Variants in ZBTB1 observed in about 807,000 individuals in gnomAD.
The protein encoded by ZBTB1 is zinc finger and BTB domain containing 1.
Under a neutral mutation model 51.6 loss-of-function variants are expected in ZBTB1, and 13 were observed. That is an observed-to-expected ratio of 0.25 (90% CI 0.16 to 0.40). The LOEUF (loss-of-function observed/expected upper bound fraction) is 0.40, where lower values mean the gene tolerates loss of function less well. Among genes scored for constraint, ZBTB1 ranks in the 10% least tolerant of loss-of-function variants. The pLI is 1.00. For missense variants in ZBTB1, 567 were observed against 856.5 expected, an observed-to-expected ratio of 0.66 and a Z score of 4.22; for synonymous variants, 240 against 282.2, an observed-to-expected ratio of 0.85 and a Z score of 1.50.
At chr14:64,517,328 T>G (rs1406015813) in intron 1 of ZBTB1, among the ~76,000 whole-genome samples, 1 of 152,206 alleles carries the variant, frequency 6.6e-6, no homozygotes, top group Non-Finnish European at 1.5e-5. Flanking sequence ...AAGCCAGGTC[T>G]GTCTGATCCT....
At chr14:64,505,025 G>C (rs761546) in intron 1 of ZBTB1, 79 bp downstream of exon 1, 183,220 of 384,068 alleles carry the variant, frequency 0.48, 45,226 homozygotes, top group East Asian at 0.65. Flanking sequence ...GCCTGGCGGA[G>C]TGCGGGGCCG....
chr14:64,504,604 C>G (rs557487578), upstream of ZBTB1: 292 of 276,494 alleles, frequency 1.1e-3, no homozygotes, highest in Middle Eastern at 9.3e-3. Flanking sequence ...AACAGGCGAC[C>G]GCGGGTGCCC....
chr14:64,523,971 T>A lies in ZBTB1; in HGVS notation c.*325T>A. 1 of 1,025,052 alleles carries A rather than the reference T, an allele frequency of 9.8e-7. No homozygotes were observed. 63.5% of individuals were successfully genotyped at this position (1,025,052 alleles called of 1,614,324 possible). A position where few individuals can be genotyped will look rare whatever the true frequency, so the allele number is the denominator to read the frequency against. ...TTCATCAATAAGGTGATGACTTCAC[T>A]ATTTCTATGTGTTTTTTTTTTTTTA... On this transcript the variant is annotated 3_prime_UTR_variant, in exon 2 of 2. Transcript: ENST00000683701. This position sits in a 1 kb window ranked among gnomAD's most constrained non-coding sequence, Gnocchi z 4.5.
rs74393137 is a variant in ZBTB1, at chr14:64,533,464, G to A, written c.*1567G>A. 24 of 152,548 alleles carry A rather than the reference G, an allele frequency of 1.6e-4. No homozygotes were observed. In the East Asian group the frequency reaches 4.6e-3, roughly 29 times the overall value. 9.4% of individuals were successfully genotyped at this position (152,548 alleles called of 1,614,324 possible). A position where few individuals can be genotyped will look rare whatever the true frequency, so the allele number is the denominator to read the frequency against. On this transcript the variant is annotated 3_prime_UTR_variant, in exon 3 of 3. Coordinates refer to the ZBTB1 transcript ENST00000358738. Reference sequence around the variant, plus strand: ...TCAACAAATAATTTTTGATTGACTGGTGGAATTAGATTTACTAAATAAAAA... The same window carrying A: ...TCAACAAATAATTTTTGATTGACTGATGGAATTAGATTTACTAAATAAAAA...
downstream of ZBTB1, among the ~76,000 whole-genome samples, chr14:64,529,435 A>G (rs1010794851): frequency 3.9e-5 from 6 of 152,306 alleles, no homozygotes; most frequent in Non-Finnish European, 7.4e-5. Flanking sequence ...TAACAGAATA[A>G]CCAGTTTCCT....
chr14:64,524,285 T>C lies in ZBTB1; in HGVS notation c.*639T>C. The C allele has an allele frequency of 1.1e-6, 1 of 951,008 alleles. No homozygotes were observed. The highest frequency in any genetic ancestry group is 1.3e-6 in the Non-Finnish European group (1 of 798,902). 58.9% of individuals were successfully genotyped at this position (951,008 alleles called of 1,614,324 possible). A position where few individuals can be genotyped will look rare whatever the true frequency, so the allele number is the denominator to read the frequency against. ...AATATTTCCTATAATTGATAAAATA[T>C]TATCATTTAATTATCACATTTAAAA... On this transcript the variant is annotated 3_prime_UTR_variant, in exon 2 of 2. Coordinates refer to ENST00000683701, the MANE Select transcript of ZBTB1 (RefSeq NM_001123329.2).
downstream of ZBTB1, among the ~76,000 whole-genome samples, chr14:64,525,477 C>T (rs945096216): frequency 2.0e-5 from 3 of 152,128 alleles, no homozygotes; most frequent in African/African-American, 7.2e-5. Flanking sequence ...AACCCAGAGA[C>T]CATCAGAGAG....
chr14:64,522,642 A>G lies in ZBTB1; in HGVS notation c.1138A>G (p.Ile380Val), dbSNP rs904934220. The G allele has an allele frequency of 3.7e-6, 6 of 1,614,086 alleles. No homozygotes were observed. The highest frequency in any genetic ancestry group is 1.3e-5 in the African/African-American group (1 of 74,938). ...YRYYVEEDVS[I>V]KKSGRKTLKP... is the part of the protein sequence containing the mutation. ...ATACTATGTTGAAGAAGATGTCAGC[A>G]TAAAAAAAAGTGGTAGGAAAACTCT... Residue 380 changes from isoleucine (I) to valine (V), a missense_variant, in exon 2 of 2, where the codon ATA (isoleucine) becomes GTA (valine). Transcript: ENST00000683701.
intron 1 of ZBTB1, among the ~76,000 whole-genome samples, chr14:64,508,729 AAATTTT>A (rs201815597): frequency 0.011 from 1,724 of 152,318 alleles, 31 homozygotes; most frequent in African/African-American, 0.038. Flanking sequence ...AAAATGCTTT[AAATTTT>A]AATTTTAATT....
At chr14:64,504,315 CG>C (rs1264127852), upstream of ZBTB1, among the ~76,000 whole-genome samples, 2 of 151,950 alleles carry the variant, frequency 1.3e-5, no homozygotes, top group Non-Finnish European at 2.9e-5. Context: ...GCGAGGTTGC[CG>C]GAGCACTCGA....
At chr14:64,531,379 G>A (rs2079940847) in intron 2 of ZBTB1, among the ~76,000 whole-genome samples, 1 of 152,044 alleles carries the variant, frequency 6.6e-6, no homozygotes, top group Non-Finnish European at 1.5e-5. Context: ...CTCTTCTTTT[G>A]TGCGTGTATG....
rs1316201388 is a variant in ZBTB1 at position 64,521,959 on chromosome 14, A to C, written c.455A>C (p.Asn152Thr). ...VRMYEDTVAR[N>T]GNEANRWCAE... ...ATGTATGAAGATACTGTGGCTCGAA[A>C]TGGCAATGAAGCCAACAGGTGGTGT... The change falls in exon 2 of 2, where the codon AAT (asparagine) becomes ACT (threonine). Residue 152 changes from asparagine to threonine, a missense_variant. Around this residue, in one of 5 missense-constraint regions of ZBTB1, gnomAD observed 74 missense variants for 74.9 expected, o/e 0.99. Transcript: ENST00000683701. The C allele has an allele frequency of 1.2e-6, 2 of 1,614,122 alleles. No individual in the cohort carries two copies. Among genetic ancestry groups the C allele is most frequent in the African/African-American group, 2.7e-5 (2 of 74,940 alleles).
chr14:64,532,174 G>T, exon 3 of ZBTB1: 1 of 339,442 alleles, frequency 2.9e-6, no homozygotes. Context: ...CAACATCAGT[G>T]GTTACAGCTA....
intron 2 of ZBTB1, among the ~76,000 whole-genome samples, chr14:64,530,226 T>A (rs12588886): frequency 0.17 from 26,365 of 152,200 alleles, 2,611 homozygotes; most frequent in Non-Finnish European, 0.22. Context: ...AGAATGAGAT[T>A]GTGAAGATTC....
rs5809234 is a variant in ZBTB1, at chr14:64,515,520, A to ATT, written c.-18-5950_-18-5949dup. The stretch of plus-strand genomic sequence containing the variant: ...ATTTAATGAAAGTGAATGCCTCATA[A>ATT]TTTTTTTTTTTTTTTTTTGAGATGG... On this transcript the variant is annotated intron_variant, in intron 1 of 1. Transcript: ENST00000683701. Among the ~76,000 whole-genome samples the ATT allele has an allele frequency of 1.7e-3, 231 of 134,946 alleles. 2 individuals are homozygous for ATT. Among genetic ancestry groups the ATT allele is most frequent in the East Asian group, 7.4e-3 (33 of 4,468 alleles). The allele number at this position is 134,946 out of a possible 152,430, so 88.5% of individuals were successfully genotyped here.
In ZBTB1 at chr14:64,523,604, T is replaced by C; in HGVS notation, c.2100T>C (p.Asp700=). The C allele has an allele frequency of 6.4e-7, 1 of 1,551,782 alleles. No individual in the cohort carries two copies. The highest frequency in any genetic ancestry group is 8.7e-7 in the Non-Finnish European group (1 of 1,146,988). Residue 700 remains aspartate (D), a synonymous_variant, in exon 2 of 2, where the codon GAT becomes GAC. Coordinates refer to ENST00000683701, the MANE Select transcript of ZBTB1 (RefSeq NM_001123329.2). This position sits in a 1 kb window ranked among gnomAD's most constrained non-coding sequence, Gnocchi z 4.5. ...GAGCAAAATTTAATTTGAGGAAAGA[T>C]ATGAGATCACATTATAATGCCAAGC... ...ICGAKFNLRK[D]MRSHYNAKHL...
At chr14:64,519,455 CAATT>C (rs1199943606) in intron 1 of ZBTB1, among the ~76,000 whole-genome samples, 3 of 131,144 alleles carry the variant, frequency 2.3e-5, no homozygotes, top group African/African-American at 8.0e-5. Flanking sequence ...TTTCTTTTAA[CAATT>C]AAAAAAAAAA....
In ZBTB1 at chr14:64,524,514, T is replaced by C. The variant is rs2079888288; in HGVS notation, c.*868T>C. The C allele has an allele frequency of 1.0e-6, 1 of 967,472 alleles. No individual in the cohort carries two copies. The highest frequency in any genetic ancestry group is 1.2e-6 in the Non-Finnish European group (1 of 813,744). The allele number at this position is 967,472 out of a possible 1,614,324, so 59.9% of individuals were successfully genotyped here. On this transcript the variant is annotated 3_prime_UTR_variant, in exon 2 of 2. Coordinates refer to ENST00000683701, the MANE Select transcript of ZBTB1 (RefSeq NM_001123329.2). The stretch of plus-strand genomic sequence containing the variant: ...ATTATTTTTGTTTATAAATAGACTT[T>C]AATAGCTCTCTAAGAATATGACCTC...
intron 1 of ZBTB1, among the ~76,000 whole-genome samples, chr14:64,520,343 C>T (rs1372584451): frequency 2.0e-5 from 3 of 152,042 alleles, no homozygotes; most frequent in Non-Finnish European, 4.4e-5. Context: ...GGGATAGAGT[C>T]TCACTCTGTC....
Sources: gnomAD v4.1 joint callset for allele counts (sites outside exome capture counted in the v4.1 genomes callset) on GRCh38, gnomAD v4.1.1 for gene constraint, gnomAD v4.1.1 regional missense constraint, Gnocchi (gnomAD v3.1) non-coding constraint, MANE v1.5 for transcripts, NCBI Gene and HGNC (gene_info 2026-07-23, HGNC 2026-07-21) for gene names.